PRKCE: variants seen among roughly 807,000 people sequenced by gnomAD.
PRKCE encodes protein kinase C epsilon type.
PRKCE carries 16 observed loss-of-function variants against 85.4 expected under a neutral mutation model. The ratio of observed to expected loss-of-function variants is 0.19; its 90% CI spans 0.13 to 0.28. The LOEUF (loss-of-function observed/expected upper bound fraction) is 0.28. Among genes scored for constraint, PRKCE ranks in the 10% least tolerant of loss-of-function variants. PRKCE has a pLI of 1.00. For synonymous variants in PRKCE, 388 were observed against 371.5 expected, an observed-to-expected ratio of 1.04 and a Z score of -0.51; for missense variants, 573 against 975.2, an observed-to-expected ratio of 0.59 and a Z score of 5.49.
At chr2:45,667,230 G>A (rs1019535662) in intron 1 of PRKCE, among the ~76,000 whole-genome samples, 3 of 152,054 alleles carry the variant, frequency 2.0e-5, no homozygotes, top group African/African-American at 4.8e-5. Flanking sequence ...AGAATAGCTT[G>A]AACCCTGGAG....
chr2:45,716,814 G>C (rs912303807), intron 1 of PRKCE, among the ~76,000 whole-genome samples: 1 of 152,136 alleles, frequency 6.6e-6, no homozygotes, highest in Non-Finnish European at 1.5e-5. Context: ...TGGCTGGGGA[G>C]ACCTCAGGAA....
At position 46,186,656 on chromosome 2, in the gene PRKCE, T is replaced by G. The variant is rs1680471081; in HGVS notation, c.*1775T>G. The G allele has an allele frequency of 6.6e-6, 1 of 152,602 alleles. No individual in the cohort carries two copies. Among genetic ancestry groups the G allele is most frequent in the South Asian group, 2.1e-4 (1 of 4,834 alleles). The allele number at this position is 152,602 out of a possible 1,614,324, so 9.5% of individuals were successfully genotyped here. ...AGATGTAAACATATATTAAGCTATA[T>G]TAAATCTCACATACAGTTCTTCTGT... is the stretch of plus-strand genomic sequence containing the variant. On this transcript the variant is annotated 3_prime_UTR_variant, in exon 15 of 15. Transcript: ENST00000306156.
chr2:46,007,761 T>G, intron 9 of PRKCE, 100 bp downstream of exon 9: 1 of 1,307,224 alleles, frequency 7.6e-7, no homozygotes, highest in Non-Finnish European at 1.0e-6. Flanking sequence ...TTCAGCCTGA[T>G]CTCGTTAGGT....
Position 45,739,675 on chromosome 2 carries a change from A to G in PRKCE, c.348+87227A>G, listed in dbSNP as rs143640502. Among the ~76,000 whole-genome samples, 358 of 152,300 alleles carry G rather than the reference A, an allele frequency of 2.4e-3. 1 individual carries two copies. The highest frequency in any genetic ancestry group is 7.9e-3 in the African/African-American group (328 of 41,570). On this transcript the variant is annotated intron_variant, in intron 1 of 14. Coordinates refer to ENST00000306156, the MANE Select transcript of PRKCE (RefSeq NM_005400.3). ...AATTCTAGGGTTAGGAAATAGATCA[A>G]TGGCTGCCAGGAGTGGGGTGGGGGT...
Position 45,652,826 on chromosome 2 carries a change from T to C in PRKCE, c.348+378T>C, listed in dbSNP as rs538173180. The stretch of plus-strand genomic sequence containing the variant: ...TGTGTGTGGGTGGGTCCCTCCGTCC[T>C]TGGAAAGGCACGTGGAGCCTTTGAC... On this transcript the variant is annotated intron_variant, in intron 1 of 14. Coordinates refer to ENST00000306156, the MANE Select transcript of PRKCE (RefSeq NM_005400.3). This position sits in a 1 kb window ranked among gnomAD's most constrained non-coding sequence, Gnocchi z 7.7. Among the ~76,000 whole-genome samples the C allele has an allele frequency of 3.9e-4, 59 of 152,280 alleles. 2 individuals are homozygous for C. The highest frequency in any genetic ancestry group is 3.5e-3 in the Admixed American group (53 of 15,296).
intron 6 of PRKCE, among the ~76,000 whole-genome samples, chr2:45,992,783 G>T (rs531317203): frequency 6.6e-6 from 1 of 152,272 alleles, no homozygotes; most frequent in Admixed American, 6.5e-5. Flanking sequence ...AAAAAGGGTG[G>T]AAACATGGAA....
intron 1 of PRKCE, among the ~76,000 whole-genome samples, chr2:45,708,367 T>A (rs1264650618): frequency 6.6e-6 from 1 of 152,134 alleles, no homozygotes; most frequent in Non-Finnish European, 1.5e-5. Context: ...CACCCAAATC[T>A]CATCTTGAAT....
intron 2 of PRKCE, among the ~76,000 whole-genome samples, chr2:45,868,080 T>C (rs548359412): frequency 3.1e-4 from 47 of 152,238 alleles, no homozygotes; most frequent in African/African-American, 1.1e-3. Context: ...TTTGGCTGCA[T>C]TGTTCTCCGT....
rs570063560 is a variant in PRKCE at position 46,080,644 on chromosome 2, G to C, written c.1438-5564G>C. 2.6e-5 allele frequency among the ~76,000 whole-genome samples: 4 copies of C among 152,260 alleles called. No individual in the cohort carries two copies. In the East Asian group the frequency reaches 5.8e-4, roughly 22 times the overall value. On this transcript the variant is annotated intron_variant, in intron 10 of 14. Coordinates refer to ENST00000306156, the MANE Select transcript of PRKCE (RefSeq NM_005400.3). ...AGCCACAAAAATTCCTCCTCTCATGGTGCTCCCTGGAGTGAAGGTTGGATG... is the reference window on the plus strand; with the variant it reads ...AGCCACAAAAATTCCTCCTCTCATGCTGCTCCCTGGAGTGAAGGTTGGATG...
In PRKCE at chr2:45,657,261, C is replaced by T. The variant is rs536168818; in HGVS notation, c.348+4813C>T. Among the ~76,000 whole-genome samples the T allele has an allele frequency of 3.9e-5, 6 of 152,220 alleles. No homozygotes were observed. The South Asian group carries it at 1.2e-3, about 32-fold the overall frequency. Reference sequence around the variant, plus strand: ...AAAGCCATCATTTGAGAGGTGATTCCCCGGAGCAGCGAAGTCTGGAGTCAC... The same window carrying T: ...AAAGCCATCATTTGAGAGGTGATTCTCCGGAGCAGCGAAGTCTGGAGTCAC... On this transcript the variant is annotated intron_variant, in intron 1 of 14. Coordinates refer to ENST00000306156, the MANE Select transcript of PRKCE (RefSeq NM_005400.3).
rs61758305 is a variant in PRKCE, at chr2:46,086,426, A to C, written c.1592+64A>C. Reference sequence around the variant, plus strand: ...AAATAAAGGATGCTTCAGACACTTGAACTGACTTCAGCTCCTGCCCACTCG... The same window carrying C: ...AAATAAAGGATGCTTCAGACACTTGCACTGACTTCAGCTCCTGCCCACTCG... On this transcript the variant is annotated intron_variant, in intron 11 of 14. Coordinates refer to ENST00000306156, the MANE Select transcript of PRKCE (RefSeq NM_005400.3). The C allele has an allele frequency of 5.2e-3, 7,993 of 1,547,708 alleles. 332 individuals carry two copies. The African/African-American group carries it at 0.096, about 19-fold the overall frequency.
intron 11 of PRKCE, among the ~76,000 whole-genome samples, chr2:46,115,608 C>T (rs1033725697): frequency 4.6e-5 from 7 of 152,200 alleles, no homozygotes; most frequent in Non-Finnish European, 1.5e-5. Flanking sequence ...TTGCTGCATG[C>T]AGCAGGCCAG....
chr2:45,810,377 T>C (rs1688571392), intron 1 of PRKCE, among the ~76,000 whole-genome samples: 1 of 152,180 alleles, frequency 6.6e-6, no homozygotes, highest in African/African-American at 2.4e-5. Flanking sequence ...CTCTTGACTA[T>C]GAAACAAATA....
At chr2:45,661,210 T>A (rs1310834047) in intron 1 of PRKCE, among the ~76,000 whole-genome samples, 1 of 152,002 alleles carries the variant, frequency 6.6e-6, no homozygotes, top group African/African-American at 2.4e-5. Flanking sequence ...TGAGATGGAG[T>A]CTTGCTCTGT....
chr2:45,910,530 C>T (rs996794023), intron 2 of PRKCE, among the ~76,000 whole-genome samples: 2 of 152,198 alleles, frequency 1.3e-5, no homozygotes, highest in Non-Finnish European at 2.9e-5. Flanking sequence ...CCTAACTTCT[C>T]TGGTTATTAG....
chr2:45,687,491 T>C (rs190582397), intron 1 of PRKCE, among the ~76,000 whole-genome samples: 85 of 152,316 alleles, frequency 5.6e-4, no homozygotes, highest in African/African-American at 1.9e-3. Context: ...GAACAGCTTC[T>C]ACAGTGGGTG....
At chr2:45,814,608 C>T (rs1248603292) in intron 1 of PRKCE, among the ~76,000 whole-genome samples, 1 of 152,224 alleles carries the variant, frequency 6.6e-6, no homozygotes, top group Non-Finnish European at 1.5e-5. Context: ...TCCCTCATCA[C>T]CACCGATCTG....
intron 10 of PRKCE, among the ~76,000 whole-genome samples, chr2:46,057,643 A>G (rs1666720642): frequency 6.6e-6 from 1 of 152,182 alleles, no homozygotes; most frequent in Admixed American, 6.5e-5. Flanking sequence ...CACGTTGGCC[A>G]GGCTGGTCTC....
intron 4 of PRKCE, among the ~76,000 whole-genome samples, chr2:45,979,862 C>T (rs1161257956): frequency 6.6e-6 from 1 of 152,162 alleles, no homozygotes; most frequent in Non-Finnish European, 1.5e-5. Context: ...AAAAAAGCCT[C>T]AGAACCTCTG....
Sources: allele counts gnomAD v4.1 joint callset (sites outside exome capture counted in the v4.1 genomes callset), GRCh38; gene constraint gnomAD v4.1.1; non-coding constraint Gnocchi (gnomAD v3.1); transcripts MANE v1.5; gene names NCBI Gene and HGNC (gene_info 2026-07-23, HGNC 2026-07-21).